The following DGKB variants were observed in gnomAD, a reference collection of about 807,000 sequenced individuals.
DGKB encodes diacylglycerol kinase beta.
A neutral mutation model predicts 114.3 loss-of-function variants in DGKB; 67 were observed. That is an observed-to-expected ratio of 0.59 (90% CI 0.48 to 0.72). The LOEUF (loss-of-function observed/expected upper bound fraction) is 0.72. Among genes scored for constraint, DGKB ranks in the 30% least tolerant of loss-of-function variants. The pLI, the probability that DGKB is intolerant of heterozygous loss-of-function variation, is 0.00. For synonymous variants in DGKB, 398 were observed against 323.1 expected (o/e 1.23, Z -2.49); for missense variants, 907 against 975.2 (o/e 0.93, Z 0.93).
intron 1 of DGKB, among the ~76,000 whole-genome samples, chr7:14,954,639 A>G (rs1786398385): frequency 1.3e-5 from 2 of 152,098 alleles, no homozygotes; most frequent in South Asian, 4.1e-4. Flanking sequence ...GTGGCAAGAT[A>G]TACAAATGTG....
chr7:14,769,244 A>C (rs950305808), intron 2 of DGKB, among the ~76,000 whole-genome samples: 1 of 109,536 alleles, frequency 9.1e-6, no homozygotes, highest in East Asian at 2.9e-4. Context: ...GAAAGAAAGA[A>C]AGAAAGAAAG....
intron 1 of DGKB, among the ~76,000 whole-genome samples, chr7:14,844,696 T>G (rs1471534567): frequency 6.6e-6 from 1 of 152,200 alleles, no homozygotes; most frequent in East Asian, 1.9e-4. Context: ...GGTCATGAAC[T>G]AGGATGATTC....
At chr7:14,669,728 C>A (rs1317782376) in intron 13 of DGKB, among the ~76,000 whole-genome samples, 2 of 152,102 alleles carry the variant, frequency 1.3e-5, no homozygotes, top group Non-Finnish European at 2.9e-5. Context: ...CCCCAACAGA[C>A]CAGACCAGAC....
chr7:14,510,031 C>A (rs1403769800), intron 20 of DGKB, among the ~76,000 whole-genome samples: 2 of 152,040 alleles, frequency 1.3e-5, no homozygotes, highest in African/African-American at 4.8e-5. Flanking sequence ...AAAAAATTAG[C>A]CCGGCGTGGC....
chr7:14,445,190 C>T (rs1830567923), intron 21 of DGKB, among the ~76,000 whole-genome samples: 1 of 151,720 alleles, frequency 6.6e-6, no homozygotes, highest in African/African-American at 2.4e-5. Flanking sequence ...TAGCTCCTCA[C>T]CATAATGTAT....
intron 25 of DGKB, among the ~76,000 whole-genome samples, chr7:14,150,842 C>A (rs1376067395): frequency 6.6e-6 from 1 of 152,082 alleles, no homozygotes; most frequent in Non-Finnish European, 1.5e-5. Flanking sequence ...GGGTCTAATA[C>A]TGCATCATTC....
At position 14,148,205 on chromosome 7, in the gene DGKB, C is replaced by T. The variant is rs4719392; in HGVS notation, c.*926G>A. 44,068 of 152,486 alleles carry T rather than the reference C, an allele frequency of 0.29. 7,294 individuals carry two copies. The highest frequency in any genetic ancestry group is 0.42 in the South Asian group (2,046 of 4,830). The allele number at this position is 152,486 out of a possible 1,614,324, so 9.4% of individuals were successfully genotyped here. A position where few individuals can be genotyped will look rare whatever the true frequency, so the allele number is the denominator to read the frequency against. On this transcript the variant is annotated 3_prime_UTR_variant, in exon 26 of 26. Transcript: ENST00000402815. ...AATCATAATTAATGGGCAACTCACT[C>T]GCTTTCCAGCATTTTAGTCATCACA...
chr7:14,769,557 T>G (rs1249779266), intron 2 of DGKB, among the ~76,000 whole-genome samples: 3 of 151,864 alleles, frequency 2.0e-5, no homozygotes, highest in Non-Finnish European at 2.9e-5. Context: ...ACATCAAACA[T>G]AAAATCTGCC....
chr7:14,554,246 T>C (rs886519568), intron 20 of DGKB, among the ~76,000 whole-genome samples: 8 of 152,208 alleles, frequency 5.3e-5, no homozygotes, highest in Admixed American at 2.0e-4. Flanking sequence ...CTAACATTTC[T>C]TGAGCACTAC....
intron 23 of DGKB, among the ~76,000 whole-genome samples, chr7:14,277,176 TTTTA>T (rs930686662): frequency 5.0e-5 from 3 of 60,352 alleles, no homozygotes; most frequent in Non-Finnish European, 1.5e-4. Flanking sequence ...TCTTAGTTTA[TTTTA>T]TTTTTTTTGA....
At chr7:14,461,726 A>T (rs1171207971) in intron 21 of DGKB, among the ~76,000 whole-genome samples, 1 of 152,188 alleles carries the variant, frequency 6.6e-6, no homozygotes, top group Non-Finnish European at 1.5e-5. Flanking sequence ...GGTGATAGAA[A>T]AAAAGGGACT....
At chr7:14,847,387 T>C (rs1848783671) in intron 1 of DGKB, among the ~76,000 whole-genome samples, 1 of 146,238 alleles carries the variant, frequency 6.8e-6, no homozygotes, top group Non-Finnish European at 1.5e-5. Context: ...CAGAAAAAAA[T>C]CCTAGGGATG....
intron 6 of DGKB, among the ~76,000 whole-genome samples, chr7:14,717,999 G>T (rs1047956814): frequency 6.6e-6 from 1 of 152,088 alleles, no homozygotes; most frequent in Admixed American, 6.6e-5. Flanking sequence ...CTAAATTTAA[G>T]AAACAAAGCT....
intron 20 of DGKB, among the ~76,000 whole-genome samples, chr7:14,565,578 A>G (rs1280684153): frequency 2.0e-5 from 3 of 152,096 alleles, no homozygotes; most frequent in Admixed American, 1.3e-4. Context: ...TATATCCTCC[A>G]CTAAACCTGA....
chr7:14,628,691 G>A (rs961984364), intron 14 of DGKB, among the ~76,000 whole-genome samples: 2 of 152,094 alleles, frequency 1.3e-5, no homozygotes, highest in Non-Finnish European at 2.9e-5. Context: ...AACTGTTCCT[G>A]ATGGCAGAAC....
chr7:14,776,254 C>T (rs1229205445), intron 2 of DGKB, among the ~76,000 whole-genome samples: 1 of 152,120 alleles, frequency 6.6e-6, no homozygotes, highest in African/African-American at 2.4e-5. Context: ...AAATTTGCAG[C>T]CTGATGATGC....
intron 21 of DGKB, among the ~76,000 whole-genome samples, chr7:14,435,792 C>A (rs951431219): frequency 1.3e-5 from 2 of 151,906 alleles, no homozygotes; most frequent in Non-Finnish European, 2.9e-5. Context: ...ATTTAAATTT[C>A]TATTATAAAT....
At chr7:14,393,296 C>T (rs1350295323) in intron 21 of DGKB, among the ~76,000 whole-genome samples, 1 of 151,974 alleles carries the variant, frequency 6.6e-6, no homozygotes, top group African/African-American at 2.4e-5. Flanking sequence ...GTCAACAGAC[C>T]TGTTTTTATA....
chr7:14,769,226 GAGAGAAAGAA>G (rs1246906777), intron 2 of DGKB, among the ~76,000 whole-genome samples: 1 of 137,522 alleles, frequency 7.3e-6, no homozygotes, highest in Non-Finnish European at 1.5e-5. Flanking sequence ...GAGAAAGAGA[GAGAGAAAGAA>G]AGAAAGAAAG....
Sources: allele counts gnomAD v4.1 joint callset (sites outside exome capture counted in the v4.1 genomes callset), GRCh38; gene constraint gnomAD v4.1.1; transcripts MANE v1.5; gene names NCBI Gene and HGNC (gene_info 2026-07-23, HGNC 2026-07-21).